Variants in KLHL4 observed in about 807,000 individuals in gnomAD.
The protein encoded by KLHL4 is kelch-like protein 4.
Under a neutral mutation model 45.8 loss-of-function variants are expected in KLHL4, and 17 were observed. The observed-to-expected ratio is 0.37, with a 90% CI of 0.25 to 0.56. The LOEUF (loss-of-function observed/expected upper bound fraction) is 0.56. Among genes scored for constraint, KLHL4 ranks in the 20% least tolerant of loss-of-function variants. The pLI is 0.79. For missense variants in KLHL4, 544 were observed against 544.9 expected, an observed-to-expected ratio of 1.00 and a Z score of 0.02; for synonymous variants, 224 against 189.9, an observed-to-expected ratio of 1.18 and a Z score of -1.47.
chrX:87,662,277 A>G (rs1924213230), intron 9 of KLHL4, among the ~76,000 whole-genome samples: 1 of 111,811 alleles, frequency 8.9e-6, no homozygotes, highest in African/African-American at 3.2e-5. Flanking sequence ...ACAAATATAT[A>G]TCAATTAAAA....
In KLHL4 at chrX:87,518,045, G is replaced by A; in HGVS notation, c.152G>A (p.Arg51Lys). ...CATAGAGGGACCCCGGTTCAGGGCA[G>A]GTTGAAGAGCCACTCTCGGGACAGA... is the stretch of plus-strand genomic sequence containing the variant. The part of the protein sequence containing the change: ...YEHRGTPVQG[R>K]LKSHSRDRNG... Residue 51 changes from arginine to lysine, a missense_variant, in exon 1 of 11, where the codon AGG becomes AAG. By Grantham distance (26) the Arg-to-Lys change is conservative. Transcript: ENST00000373119. 8.3e-7 allele frequency: 1 copy of A among 1,211,783 alleles called. No individual in the cohort carries two copies. Among genetic ancestry groups the A allele is most frequent in the East Asian group, 3.0e-5 (1 of 33,829 alleles).
At chrX:87,603,190 T>G (rs1334205859) in intron 1 of KLHL4, among the ~76,000 whole-genome samples, 1 of 111,828 alleles carries the variant, frequency 8.9e-6, no homozygotes, top group East Asian at 2.8e-4. Flanking sequence ...ATCTTAGCAT[T>G]TGCATGCGTT....
At chrX:87,663,578 G>A (rs1342725509) in intron 9 of KLHL4, among the ~76,000 whole-genome samples, 1 of 112,299 alleles carries the variant, frequency 8.9e-6, no homozygotes, top group Non-Finnish European at 1.9e-5. Flanking sequence ...TATGAGTTTT[G>A]GTTCATGATT....
At chrX:87,590,663 T>C (rs1921632850) in intron 1 of KLHL4, among the ~76,000 whole-genome samples, 1 of 111,778 alleles carries the variant, frequency 8.9e-6, no homozygotes, top group Non-Finnish European at 1.9e-5. Flanking sequence ...AGGAACAGAA[T>C]AGAATGTTCA....
chrX:87,646,241 A>G (rs1238712996), intron 9 of KLHL4, among the ~76,000 whole-genome samples: 1 of 111,524 alleles, frequency 9.0e-6, no homozygotes, highest in Non-Finnish European at 1.9e-5. Flanking sequence ...GAAAGAAAAC[A>G]TAGATGACAC....
intron 1 of KLHL4, among the ~76,000 whole-genome samples, chrX:87,561,442 A>G (rs1244201331): frequency 9.0e-6 from 1 of 111,568 alleles, no homozygotes; most frequent in Non-Finnish European, 1.9e-5. Context: ...AAATCAACAC[A>G]AGGCAGAATT....
chrX:87,543,249 C>T (rs1050399945), intron 1 of KLHL4, among the ~76,000 whole-genome samples: 5 of 111,173 alleles, frequency 4.5e-5, no homozygotes, highest in African/African-American at 1.6e-4. Context: ...TACAGCAGAA[C>T]ATTACTATAT....
intron 9 of KLHL4, among the ~76,000 whole-genome samples, chrX:87,652,262 C>T (rs1923841761): frequency 1.8e-5 from 2 of 112,290 alleles, no homozygotes; most frequent in Non-Finnish European, 1.9e-5. Flanking sequence ...TCTGGCATGC[C>T]CTAGAGACAT....
intron 9 of KLHL4, among the ~76,000 whole-genome samples, chrX:87,637,815 G>A (rs1923316173): frequency 9.0e-6 from 1 of 111,250 alleles, no homozygotes; most frequent in African/African-American, 3.3e-5. Flanking sequence ...CTGGCACAGT[G>A]GCAGTTGCCT....
chrX:87,578,003 T>C (rs1249537894), intron 1 of KLHL4, among the ~76,000 whole-genome samples: 4 of 111,603 alleles, frequency 3.6e-5, no homozygotes, highest in African/African-American at 6.5e-5. Flanking sequence ...CCTACAAATA[T>C]ATTCTTACAA....
intron 7 of KLHL4, 26 bp downstream of exon 7, chrX:87,632,460 T>C: frequency 9.7e-7 from 1 of 1,031,866 alleles, no homozygotes; most frequent in Non-Finnish European, 1.3e-6. Context: ...AATGTATTTT[T>C]CAAGAATGTA....
chrX:87,607,662 T>C (rs994595658), intron 1 of KLHL4, among the ~76,000 whole-genome samples: 1 of 112,110 alleles, frequency 8.9e-6, no homozygotes, highest in African/African-American at 3.2e-5. Flanking sequence ...GGACCTGTAA[T>C]GCTACATAGT....
chrX:87,619,670 T>G (rs1337643595), intron 4 of KLHL4, among the ~76,000 whole-genome samples: 1 of 111,755 alleles, frequency 8.9e-6, no homozygotes, highest in African/African-American at 3.2e-5. Flanking sequence ...CAAAATACAT[T>G]CCGAAAAAAG....
chrX:87,648,241 T>A (rs188629855), intron 9 of KLHL4, among the ~76,000 whole-genome samples: 1 of 111,074 alleles, frequency 9.0e-6, no homozygotes, highest in Admixed American at 9.6e-5. Flanking sequence ...AAATTTACAG[T>A]AAGGTGAGCA....
At chrX:87,552,767 C>G (rs2227180) in intron 1 of KLHL4, among the ~76,000 whole-genome samples, 2,462 of 108,304 alleles carry the variant, frequency 0.023, 74 homozygotes, top group African/African-American at 0.079. Context: ...CAATGGAACT[C>G]ATGGACATAG....
intron 9 of KLHL4, among the ~76,000 whole-genome samples, chrX:87,659,626 T>C (rs1924119170): frequency 8.9e-6 from 1 of 111,933 alleles, no homozygotes; most frequent in Admixed American, 9.5e-5. Flanking sequence ...TGTTTTTCTC[T>C]TGGCTTTAGC....
chrX:87,555,529 A>G (rs1419148480), intron 1 of KLHL4, among the ~76,000 whole-genome samples: 6 of 108,758 alleles, frequency 5.5e-5, no homozygotes, highest in African/African-American at 2.0e-4. Context: ...GTATTCTCTG[A>G]TGGTAGTTTG....
chrX:87,523,980 A>T (rs1206284625), intron 1 of KLHL4, among the ~76,000 whole-genome samples: 2 of 111,330 alleles, frequency 1.8e-5, no homozygotes, highest in Non-Finnish European at 3.8e-5. Context: ...TAAATAAATA[A>T]AAATAAATAA....
At chrX:87,606,246 T>G (rs761392485) in intron 1 of KLHL4, among the ~76,000 whole-genome samples, 49 of 98,193 alleles carry the variant, frequency 5.0e-4, no homozygotes, top group African/African-American at 2.1e-3. Context: ...AATTTGAAAG[T>G]TTTTTTTTCT....
Sources: gnomAD v4.1 joint callset for allele counts (sites outside exome capture counted in the v4.1 genomes callset) on GRCh38, gnomAD v4.1.1 for gene constraint, MANE v1.5 for transcripts, NCBI Gene and HGNC (gene_info 2026-07-23, HGNC 2026-07-21) for gene names.